The following ARHGEF3 variants were observed in gnomAD, a reference collection of about 807,000 sequenced individuals.
ARHGEF3 encodes 59.8 kDA protein.
Under a neutral mutation model 63.2 loss-of-function variants are expected in ARHGEF3, and 28 were observed. The observed-to-expected ratio is 0.44, with a 90% CI of 0.33 to 0.61. The LOEUF is 0.61. Ranked by LOEUF, ARHGEF3 falls within the 20% of genes least tolerant of loss-of-function variation. The pLI is 0.03. For synonymous variants in ARHGEF3, 266 were observed against 254.2 expected, an observed-to-expected ratio of 1.05 and a Z score of -0.44; for missense variants, 533 against 659.3, an observed-to-expected ratio of 0.81 and a Z score of 2.10.
At chr3:56,959,458 C>T (rs1035178591) in intron 2 of ARHGEF3, among the ~76,000 whole-genome samples, 6 of 152,204 alleles carry the variant, frequency 3.9e-5, no homozygotes, top group African/African-American at 1.4e-4. Context: ...CAGACCAGCA[C>T]AAAGAGACTC....
chr3:56,802,042 C>T, upstream of ARHGEF3: 2 of 1,365,672 alleles, frequency 1.5e-6, no homozygotes, highest in East Asian at 3.0e-5. Flanking sequence ...CCCACGCTGC[C>T]GGGAGGGCCC....
intron 3 of ARHGEF3, among the ~76,000 whole-genome samples, chr3:56,891,431 C>T (rs1449895777): frequency 6.6e-6 from 1 of 150,748 alleles, no homozygotes; most frequent in East Asian, 1.9e-4. Context: ...AGGCTGTCTT[C>T]AGTGTGCTGA....
chr3:56,757,791 C>G (rs2035165968), intron 2 of ARHGEF3, among the ~76,000 whole-genome samples: 1 of 151,424 alleles, frequency 6.6e-6, no homozygotes. Flanking sequence ...GGCGCAGTCT[C>G]AGCTCACTGC....
intron 3 of ARHGEF3, among the ~76,000 whole-genome samples, chr3:56,925,666 G>T (rs1170846077): frequency 6.6e-6 from 1 of 152,056 alleles, no homozygotes; most frequent in Non-Finnish European, 1.5e-5. Context: ...TATAGATGAG[G>T]AAAGAGGCTC....
chr3:56,961,875 T>C (rs1281772621), intron 2 of ARHGEF3, among the ~76,000 whole-genome samples: 1 of 152,070 alleles, frequency 6.6e-6, no homozygotes, highest in Non-Finnish European at 1.5e-5. Context: ...AAACACCATC[T>C]CCGCTAAAAA....
chr3:57,028,591 T>C (rs1490163155), intron 2 of ARHGEF3, among the ~76,000 whole-genome samples: 1 of 127,006 alleles, frequency 7.9e-6, no homozygotes, highest in Non-Finnish European at 1.6e-5. Flanking sequence ...TACCTAATGC[T>C]AGATGACAAG....
chr3:56,847,385 T>G (rs1447444274), intron 4 of ARHGEF3, among the ~76,000 whole-genome samples: 3 of 152,164 alleles, frequency 2.0e-5, no homozygotes, highest in Non-Finnish European at 4.4e-5. Context: ...AAGCATGTTT[T>G]TGGCCAACTG....
intron 8 of ARHGEF3, 144 bp downstream of exon 8, chr3:56,737,041 G>A: frequency 1.0e-6 from 1 of 953,268 alleles, no homozygotes; most frequent in Non-Finnish European, 1.5e-6. Flanking sequence ...GTTGCAGTGA[G>A]CCAGCCTGGG....
At chr3:56,989,532 C>G (rs920872221) in intron 2 of ARHGEF3, among the ~76,000 whole-genome samples, 1 of 152,220 alleles carries the variant, frequency 6.6e-6, no homozygotes, top group African/African-American at 2.4e-5. Flanking sequence ...GCCCAGGGGG[C>G]AGGGGGCTCC....
chr3:56,903,071 C>CAT (rs2041571982), intron 3 of ARHGEF3, among the ~76,000 whole-genome samples: 1 of 56,796 alleles, frequency 1.8e-5, no homozygotes, highest in African/African-American at 4.6e-5. Context: ...TCTAAACATA[C>CAT]ACACACACAC....
intron 3 of ARHGEF3, among the ~76,000 whole-genome samples, chr3:56,943,732 C>T (rs537441358): frequency 2.0e-5 from 3 of 152,040 alleles, no homozygotes; most frequent in African/African-American, 4.8e-5. Flanking sequence ...CTGACCAACA[C>T]GATAAAACCC....
intron 1 of ARHGEF3, among the ~76,000 whole-genome samples, chr3:56,797,701 T>C (rs772118101): frequency 9.9e-5 from 15 of 152,248 alleles, no homozygotes; most frequent in Non-Finnish European, 1.6e-4. Flanking sequence ...TGTTGACTGA[T>C]AGAGGCATAA....
chr3:56,841,541 C>T (rs1423847037), intron 4 of ARHGEF3, among the ~76,000 whole-genome samples: 5 of 152,086 alleles, frequency 3.3e-5, no homozygotes, highest in Non-Finnish European at 2.9e-5. Flanking sequence ...CACAGTTAAC[C>T]AGAAATTTTA....
At chr3:57,072,040 T>G (rs1007679050) in intron 1 of ARHGEF3, among the ~76,000 whole-genome samples, 2 of 152,190 alleles carry the variant, frequency 1.3e-5, no homozygotes, top group Non-Finnish European at 2.9e-5. Flanking sequence ...ATTAGCCATC[T>G]GGGAAATGCA....
At chr3:57,073,463 C>G (rs1706045421) in intron 1 of ARHGEF3, 1 of 558,182 alleles carries the variant, frequency 1.8e-6, no homozygotes, top group Non-Finnish European at 2.9e-6. Flanking sequence ...GTAGTGGAAA[C>G]AGCAGAAGCA....
chr3:56,881,203 C>T (rs1341457890), intron 4 of ARHGEF3, among the ~76,000 whole-genome samples: 1 of 152,146 alleles, frequency 6.6e-6, no homozygotes, highest in South Asian at 2.1e-4. Context: ...GGAAGTGACT[C>T]GTCCAAGGTA....
intron 1 of ARHGEF3, among the ~76,000 whole-genome samples, chr3:56,799,871 C>A (rs1378660359): frequency 1.3e-5 from 2 of 152,080 alleles, no homozygotes; most frequent in Non-Finnish European, 2.9e-5. Flanking sequence ...CACTAAAAAA[C>A]AAAAACCCCA....
In ARHGEF3 at chr3:56,729,346, A is replaced by C; in HGVS notation, c.1505T>G (p.Val502Gly). Residue 502 changes from valine (V) to glycine (G), a missense_variant, in exon 10 of 10, where the codon GTC becomes GGC. Transcript: ENST00000296315. The part of the protein sequence containing the change: ...ESDCSMDTSE[V>G]SLDCERMEQT... ...TTCCATGCGCTCACAGTCGAGGCTG[A>C]CCTCACTCGTGTCCATACTACAGTC... The C allele has an allele frequency of 6.2e-7, 1 of 1,613,890 alleles. No individual in the cohort carries two copies. The highest frequency in any genetic ancestry group is 8.5e-7 in the Non-Finnish European group (1 of 1,179,998).
chr3:56,904,561 C>A (rs921546253), intron 3 of ARHGEF3, among the ~76,000 whole-genome samples: 2 of 151,954 alleles, frequency 1.3e-5, no homozygotes, highest in Non-Finnish European at 2.9e-5. Flanking sequence ...ACTATATTTT[C>A]AAAAAAACAT....
Sources: allele counts gnomAD v4.1 joint callset (sites outside exome capture counted in the v4.1 genomes callset), GRCh38; gene constraint gnomAD v4.1.1; transcripts MANE v1.5; gene names NCBI Gene and HGNC (gene_info 2026-07-23, HGNC 2026-07-21).